GAB1: variants seen among roughly 807,000 people sequenced by gnomAD.
GAB1 encodes GRB2-associated-binding protein 1.
A neutral mutation model predicts 66.5 loss-of-function variants in GAB1; 19 were observed. The ratio of observed to expected loss-of-function variants is 0.29; its 90% confidence interval spans 0.20 to 0.42. GAB1 has a LOEUF of 0.42. GAB1 is among the 10% of genes least tolerant of loss of function. The probability of loss-of-function intolerance (pLI) is 1.00; values close to 1 mark genes in which losing one functional copy is unlikely to be tolerated. For missense variants in GAB1, 732 were observed against 858.5 expected (o/e 0.85, Z 1.84); for synonymous variants, 294 against 301.4 (o/e 0.98, Z 0.25).
chr4:143,385,738 G>A (rs1264438203), intron 1 of GAB1, among the ~76,000 whole-genome samples: 2 of 152,224 alleles, frequency 1.3e-5, no homozygotes, highest in African/African-American at 4.8e-5. Context: ...TTAGCCAGCA[G>A]ACACCCTGCT....
chr4:143,401,500 G>A (rs557502472), intron 1 of GAB1, among the ~76,000 whole-genome samples: 68 of 152,218 alleles, frequency 4.5e-4, no homozygotes, highest in African/African-American at 1.6e-3. Flanking sequence ...AATGTTTTGG[G>A]GATGCTGTGT....
At chr4:143,373,872 T>A (rs56109066) in intron 1 of GAB1, among the ~76,000 whole-genome samples, 4,169 of 110,826 alleles carry the variant, frequency 0.038, 569 homozygotes, top group African/African-American at 0.18. Context: ...TAAATAAATA[T>A]ATATATATAT....
intron 1 of GAB1, among the ~76,000 whole-genome samples, chr4:143,391,063 T>C (rs1391656668): frequency 6.6e-6 from 1 of 152,236 alleles, no homozygotes; most frequent in Non-Finnish European, 1.5e-5. Context: ...TGGATGACCA[T>C]GTGCTCAGTT....
intron 2 of GAB1, among the ~76,000 whole-genome samples, chr4:143,421,965 G>A (rs1733052930): frequency 6.6e-6 from 1 of 152,098 alleles, no homozygotes; most frequent in Non-Finnish European, 1.5e-5. Context: ...AACAGATCAT[G>A]CTATGTTTAA....
chr4:143,373,868 A>ATATATATATAT lies in GAB1; in HGVS notation c.72+36608_72+36609insTATATATATAT, dbSNP rs1560725949. ...CTCTCTCTCTCTCTGTAAATAAATAAATATATATATATATATATTTTTACC... is the reference window on the plus strand; with the variant it reads ...CTCTCTCTCTCTCTGTAAATAAATAATATATATATATATATATATATATATATATTTTTACC... On this transcript the variant is annotated intron_variant, in intron 1 of 9. Transcript: ENST00000262994. Among the ~76,000 whole-genome samples, 487 of 93,620 alleles carry ATATATATATAT rather than the reference A, an allele frequency of 5.2e-3. 38 individuals carry two copies. The highest frequency in any genetic ancestry group is 8.7e-3 in the Admixed American group (80 of 9,154). The allele number at this position is 93,620 out of a possible 152,430, so 61.4% of individuals were successfully genotyped here.
In GAB1 at chr4:143,390,929, A is replaced by G. The variant is rs185509847; in HGVS notation, c.73-24548A>G. ...AAGAAGTGTGGAGGCAGCATGCGCA[A>G]TGTCTTCATGCTCAGTCCTAGAGAA... On this transcript the variant is annotated intron_variant, in intron 1 of 9. Transcript: ENST00000262994. Among the ~76,000 whole-genome samples, 1,084 of 152,230 alleles carry G rather than the reference A, an allele frequency of 7.1e-3. 7 individuals carry two copies. The highest frequency in any genetic ancestry group is 0.012 in the Non-Finnish European group (789 of 68,008).
chr4:143,337,562 C>T (rs1271682914), intron 1 of GAB1, among the ~76,000 whole-genome samples: 3 of 152,152 alleles, frequency 2.0e-5, no homozygotes, highest in African/African-American at 7.2e-5. Flanking sequence ...TGCTTTTTTT[C>T]TTCCTTAGGA....
At chr4:143,368,945 C>T (rs913602285) in intron 1 of GAB1, among the ~76,000 whole-genome samples, 4 of 151,918 alleles carry the variant, frequency 2.6e-5, no homozygotes, top group South Asian at 2.1e-4. Flanking sequence ...TCACCACACC[C>T]GGCCAATTTT....
chr4:143,455,486 T>G (rs1735136952), intron 6 of GAB1, among the ~76,000 whole-genome samples: 1 of 152,056 alleles, frequency 6.6e-6, no homozygotes, highest in African/African-American at 2.4e-5. Flanking sequence ...CACTGGGAGA[T>G]AACTATGGTG....
chr4:143,368,032 C>G (rs909784479), intron 1 of GAB1, among the ~76,000 whole-genome samples: 3 of 151,992 alleles, frequency 2.0e-5, no homozygotes, highest in African/African-American at 7.2e-5. Flanking sequence ...GGCCAGGGTC[C>G]TTAAGTTCAA....
At position 143,413,824 on chromosome 4, in the gene GAB1, C is replaced by CTTTTTTTTTTTTTTTTTT. The variant is rs35422180; in HGVS notation, c.73-1646_73-1629dup. 3.1e-3 allele frequency among the ~76,000 whole-genome samples: 211 copies of CTTTTTTTTTTTTTTTTTT among 67,824 alleles called. 16 individuals carry two copies. Among genetic ancestry groups the CTTTTTTTTTTTTTTTTTT allele is most frequent in the African/African-American group, 0.012 (127 of 10,618 alleles). 44.5% of individuals were successfully genotyped at this position (67,824 alleles called of 152,430 possible). A position where few individuals can be genotyped will look rare whatever the true frequency, so the allele number is the denominator to read the frequency against. ...AGAGCATCCCCACCACCCCGCTGCC[C>CTTTTTTTTTTTTTTTTTT]TTTTTTTTTTTTTTTTTTTTTTTTG... On this transcript the variant is annotated intron_variant, in intron 1 of 9. Transcript: ENST00000262994.
At chr4:143,456,311 G>T (rs573120136) in intron 6 of GAB1, among the ~76,000 whole-genome samples, 1 of 152,248 alleles carries the variant, frequency 6.6e-6, no homozygotes, top group East Asian at 1.9e-4. Context: ...CAAAAAATTA[G>T]CCAGGCGTGG....
At position 143,337,272 on chromosome 4, in the gene GAB1, T is replaced by G. The variant is rs773589380; in HGVS notation, c.72+12T>G. ...AGTTGAAGCGTTATGTAAGTAGAGC[T>G]GCGGGCACCACTCCGCGGGCCTCGG... On this transcript the variant is annotated intron_variant, in intron 1 of 9. Transcript: ENST00000262994. 6.4e-7 allele frequency: 1 copy of G among 1,568,788 alleles called. No homozygotes were observed. Among genetic ancestry groups the G allele is most frequent in the East Asian group, 2.3e-5 (1 of 43,370 alleles).
At chr4:143,358,936 G>A (rs1729552915) in intron 1 of GAB1, among the ~76,000 whole-genome samples, 1 of 152,222 alleles carries the variant, frequency 6.6e-6, no homozygotes, top group African/African-American at 2.4e-5. Context: ...TTCAGGTGTA[G>A]TAAGGTTTAA....
At chr4:143,355,299 C>G (rs1279827004) in intron 1 of GAB1, among the ~76,000 whole-genome samples, 2 of 152,204 alleles carry the variant, frequency 1.3e-5, no homozygotes, top group African/African-American at 4.8e-5. Context: ...ATATCCACCT[C>G]CATCTTTAGT....
chr4:143,348,538 G>A (rs777806038), intron 1 of GAB1, among the ~76,000 whole-genome samples: 4 of 152,242 alleles, frequency 2.6e-5, no homozygotes, highest in Non-Finnish European at 4.4e-5. Context: ...TTGCCTAGGC[G>A]ATATTTGCCT....
At chr4:143,437,893 A>G in intron 3 of GAB1, 106 bp from the exon 4 acceptor site, 2 of 1,107,194 alleles carry the variant, frequency 1.8e-6, no homozygotes, top group Non-Finnish European at 1.3e-6. Flanking sequence ...CAAAAAATCT[A>G]ATGAGAAAAG....
intron 1 of GAB1, among the ~76,000 whole-genome samples, chr4:143,413,286 A>T (rs1038588823): frequency 6.6e-6 from 1 of 152,162 alleles, no homozygotes; most frequent in South Asian, 2.1e-4. Context: ...TTTTACTAAG[A>T]GATGATATTT....
chr4:143,338,510 C>T (rs1272668214), intron 1 of GAB1, among the ~76,000 whole-genome samples: 1 of 152,086 alleles, frequency 6.6e-6, no homozygotes, highest in Non-Finnish European at 1.5e-5. Context: ...TTACTTTCTG[C>T]CAGAATTTAT....
Sources: allele counts gnomAD v4.1 joint callset (sites outside exome capture counted in the v4.1 genomes callset), GRCh38; gene constraint gnomAD v4.1.1; transcripts MANE v1.5; gene names NCBI Gene and HGNC (gene_info 2026-07-23, HGNC 2026-07-21).